DNAJB6: variants seen among roughly 807,000 people sequenced by gnomAD.
DNAJB6 encodes the protein dnaJ homolog subfamily B member 6.
A neutral mutation model predicts 42.7 loss-of-function variants in DNAJB6; 16 were observed. The observed-to-expected ratio is 0.37, with a 90% CI of 0.25 to 0.57. The LOEUF (loss-of-function observed/expected upper bound fraction) is 0.57, where lower values mean the gene tolerates loss of function less well. Ranked by LOEUF, DNAJB6 falls within the 20% of genes least tolerant of loss-of-function variation. The probability of loss-of-function intolerance (pLI) is 0.74; values close to 1 mark genes in which losing one functional copy is unlikely to be tolerated. For synonymous variants in DNAJB6, 170 were observed against 163.5 expected (o/e 1.04, Z -0.30); for missense variants, 347 against 416.8 (o/e 0.83, Z 1.46).
At chr7:157,370,207 A>AAC (rs1161276570) in intron 5 of DNAJB6, among the ~76,000 whole-genome samples, 14 of 151,002 alleles carry the variant, frequency 9.3e-5, no homozygotes, top group Non-Finnish European at 1.5e-4. Context: ...ATTATTATTA[A>AAC]AGAGGCCCTT....
chr7:157,394,351 T>C (rs1438023119), intron 8 of DNAJB6, among the ~76,000 whole-genome samples: 1 of 152,236 alleles, frequency 6.6e-6, no homozygotes, highest in East Asian at 1.9e-4. Context: ...TAAGAAATGC[T>C]GCCCCTGTGT....
chr7:157,340,972 G>C (rs933269138), intron 1 of DNAJB6, among the ~76,000 whole-genome samples: 1 of 89,928 alleles, frequency 1.1e-5, no homozygotes, highest in Non-Finnish European at 2.3e-5. Context: ...GGCTGTGTGT[G>C]TGTGTGTGTG....
At chr7:157,408,717 A>C (rs928583685) in intron 8 of DNAJB6, among the ~76,000 whole-genome samples, 3 of 152,216 alleles carry the variant, frequency 2.0e-5, no homozygotes, top group Non-Finnish European at 4.4e-5. Context: ...TGTATAGGCC[A>C]GTTTAATTGG....
intron 1 of DNAJB6, among the ~76,000 whole-genome samples, chr7:157,348,723 C>T (rs1292626379): frequency 2.0e-5 from 3 of 152,114 alleles, no homozygotes; most frequent in Non-Finnish European, 4.4e-5. Context: ...GTGGAAGAGT[C>T]CTAATTCCTT....
intron 1 of DNAJB6, among the ~76,000 whole-genome samples, chr7:157,342,624 C>G (rs188767544): frequency 6.6e-6 from 1 of 152,010 alleles, no homozygotes; most frequent in Non-Finnish European, 1.5e-5. Flanking sequence ...GCTGGCCTAA[C>G]TTCTATATTT....
chr7:157,353,126 C>T (rs918617308), intron 1 of DNAJB6, among the ~76,000 whole-genome samples: 2 of 150,180 alleles, frequency 1.3e-5, no homozygotes, highest in African/African-American at 4.9e-5. Flanking sequence ...CAGGGTTTCG[C>T]CGTGTTGCCA....
At chr7:157,391,204 G>A (rs1182390680) in intron 8 of DNAJB6, among the ~76,000 whole-genome samples, 1 of 152,204 alleles carries the variant, frequency 6.6e-6, no homozygotes, top group Non-Finnish European at 1.5e-5. Flanking sequence ...AGCTCGGGGT[G>A]TGGTCATCAG....
Position 157,397,250 on chromosome 7 carries a change from T to A in DNAJB6, c.691+11639T>A, listed in dbSNP as rs1252379830. ...GAGGTGGTAACAACAGCATGTGGCC[T>A]CCACCTCACGTAAGCATTTGGTGTC... On this transcript the variant is annotated intron_variant, in intron 8 of 9. Coordinates refer to ENST00000262177, the MANE Select transcript of DNAJB6 (RefSeq NM_058246.4). Among the ~76,000 whole-genome samples, 3 of 152,322 alleles carry A rather than the reference T, an allele frequency of 2.0e-5. No homozygotes were observed. The East Asian group carries it at 5.8e-4, about 29-fold the overall frequency.
intron 1 of DNAJB6, among the ~76,000 whole-genome samples, chr7:157,350,006 C>A (rs1278008399): frequency 6.6e-6 from 1 of 152,144 alleles, no homozygotes; most frequent in Non-Finnish European, 1.5e-5. Context: ...CCAGGCTGGT[C>A]TTGAGCTCCT....
intron 8 of DNAJB6, among the ~76,000 whole-genome samples, chr7:157,408,809 C>T (rs1051686685): frequency 2.0e-5 from 3 of 152,340 alleles, no homozygotes; most frequent in Non-Finnish European, 2.9e-5. Context: ...TCAGTGCTTG[C>T]GGGGAAGCGA....
chr7:157,344,299 C>T (rs1187986433), intron 1 of DNAJB6, among the ~76,000 whole-genome samples: 3 of 151,864 alleles, frequency 2.0e-5, no homozygotes, highest in Non-Finnish European at 2.9e-5. Flanking sequence ...CGAGATCCCT[C>T]TACTGCACTC....
chr7:157,385,120 G>A, intron 7 of DNAJB6, 112 bp downstream of exon 7: 2 of 1,137,982 alleles, frequency 1.8e-6, no homozygotes, highest in Non-Finnish European at 1.2e-6. Flanking sequence ...TGCTAAATCT[G>A]GCGCCATGAA....
chr7:157,405,373 C>T (rs7811229), intron 8 of DNAJB6, among the ~76,000 whole-genome samples: 7,039 of 152,218 alleles, frequency 0.046, 586 homozygotes, highest in African/African-American at 0.16. Context: ...TGGCTTGTTC[C>T]GTCCTGGGAT....
At chr7:157,388,156 C>A (rs898412203) in intron 8 of DNAJB6, among the ~76,000 whole-genome samples, 2 of 152,168 alleles carry the variant, frequency 1.3e-5, no homozygotes, top group African/African-American at 4.8e-5. Flanking sequence ...GAGAAAATTA[C>A]TTTTATTCTG....
intron 1 of DNAJB6, among the ~76,000 whole-genome samples, chr7:157,354,276 T>C (rs1321902407): frequency 2.0e-5 from 3 of 152,152 alleles, no homozygotes; most frequent in East Asian, 3.9e-4. Context: ...GCCTCTTGAG[T>C]AGCTGGGATT....
At chr7:157,380,817 C>G (rs530184243) in intron 5 of DNAJB6, 1 of 152,280 alleles carries the variant, frequency 6.6e-6, no homozygotes, top group African/African-American at 2.4e-5. Context: ...TATAGTAGTC[C>G]GGTGTGGACC....
chr7:157,357,606 G>A (rs1321581193), intron 1 of DNAJB6, among the ~76,000 whole-genome samples: 1 of 151,936 alleles, frequency 6.6e-6, no homozygotes, highest in East Asian at 1.9e-4. Context: ...CCACGCGCCC[G>A]GCTGTGCAGA....
chr7:157,368,982 T>C (rs1254191746), intron 5 of DNAJB6: 2 of 343,208 alleles, frequency 5.8e-6, no homozygotes, highest in East Asian at 8.1e-5. Context: ...TTCTTCAGTG[T>C]GTCTCAAATG....
At chr7:157,403,648 C>T (rs1028153139) in intron 8 of DNAJB6, among the ~76,000 whole-genome samples, 3 of 151,812 alleles carry the variant, frequency 2.0e-5, no homozygotes, top group African/African-American at 4.8e-5. Context: ...TAGCCACCTT[C>T]TTTAGGAATA....
Sources: allele counts gnomAD v4.1 joint callset (sites outside exome capture counted in the v4.1 genomes callset), GRCh38; gene constraint gnomAD v4.1.1; transcripts MANE v1.5; gene names NCBI Gene and HGNC (gene_info 2026-07-23, HGNC 2026-07-21).